Variants in TACR3 observed in about 807,000 individuals in gnomAD.
TACR3 encodes the protein tachykinin receptor 3.
A neutral mutation model predicts 35.0 loss-of-function variants in TACR3; 34 were observed. The observed-to-expected ratio is 0.97, with a 90% CI of 0.74 to 1.30. The LOEUF (loss-of-function observed/expected upper bound fraction) is 1.30. Ranked by LOEUF, TACR3 falls within the 50% of genes most tolerant of loss-of-function variation. The pLI is 0.00. For synonymous variants in TACR3, 233 were observed against 221.1 expected, an observed-to-expected ratio of 1.05 and a Z score of -0.48; for missense variants, 558 against 591.7, an observed-to-expected ratio of 0.94 and a Z score of 0.59.
intron 1 of TACR3, among the ~76,000 whole-genome samples, chr4:103,662,440 G>A (rs573499388): frequency 6.9e-4 from 105 of 152,124 alleles, no homozygotes; most frequent in African/African-American, 2.5e-3. Flanking sequence ...GGCTGGTCTC[G>A]AATTCCTGAC....
Position 103,689,324 on chromosome 4 carries a change from G to A in TACR3, c.548+29804C>T, listed in dbSNP as rs144700552. Among the ~76,000 whole-genome samples, 652 of 151,324 alleles carry A rather than the reference G, an allele frequency of 4.3e-3. 4 individuals carry two copies. The highest frequency in any genetic ancestry group is 0.024 in the South Asian group (116 of 4,784). The stretch of plus-strand genomic sequence containing the variant: ...TAGATGACGAGTTAGTGGGTGCAGC[G>A]CACCAGCATGTCACATGTATACATA... On this transcript the variant is annotated intron_variant, in intron 1 of 4. Coordinates refer to ENST00000304883, the MANE Select transcript of TACR3 (RefSeq NM_001059.3).
intron 3 of TACR3, among the ~76,000 whole-genome samples, chr4:103,632,397 A>AGCCATCAT (rs1725087557): frequency 6.6e-6 from 1 of 152,162 alleles, no homozygotes; most frequent in African/African-American, 2.4e-5. Context: ...ACATGGTTGA[A>AGCCATCAT]GCTGGAAGCC....
intron 3 of TACR3, among the ~76,000 whole-genome samples, chr4:103,594,181 CTTT>C (rs35016258): frequency 6.8e-6 from 1 of 147,286 alleles, no homozygotes; most frequent in African/African-American, 2.5e-5. Context: ...CAAAAATAAC[CTTT>C]TTTTTTTTTT....
intron 1 of TACR3, among the ~76,000 whole-genome samples, chr4:103,718,258 T>G (rs890750402): frequency 6.6e-6 from 1 of 152,202 alleles, no homozygotes; most frequent in African/African-American, 2.4e-5. Flanking sequence ...ATCACCCTCA[T>G]GTATCCCCCA....
intron 3 of TACR3, among the ~76,000 whole-genome samples, chr4:103,602,255 C>T (rs1248772809): frequency 6.6e-6 from 1 of 152,160 alleles, no homozygotes; most frequent in Non-Finnish European, 1.5e-5. Flanking sequence ...TTAAGGACTT[C>T]TCTGCATTGG....
In TACR3 at chr4:103,719,285, C is replaced by T. The variant is rs775234670; in HGVS notation, c.391G>A (p.Asp131Asn). The change falls in exon 1 of 5, where the codon GAC becomes AAC. Residue 131 changes from aspartate to asparagine, a missense_variant. Physicochemically the swap from Asp to Asn is conservative, Grantham distance 23 (BLOSUM62 1). Coordinates refer to ENST00000304883, the MANE Select transcript of TACR3 (RefSeq NM_001059.3). The stretch of plus-strand genomic sequence containing the variant: ...GTGTTGAAGGCGGCCATGGAGGCGT[C>T]GGAGAAAGCCAGGTTCACAAGGAAG... ...NYFLVNLAFS[D>N]ASMAAFNTLV... The T allele has an allele frequency of 7.4e-6, 12 of 1,614,110 alleles. No individual in the cohort carries two copies. The highest frequency in any genetic ancestry group is 9.3e-6 in the Non-Finnish European group (11 of 1,180,056).
intron 3 of TACR3, among the ~76,000 whole-genome samples, chr4:103,652,481 G>GTCTT (rs1267935652): frequency 1.3e-5 from 2 of 152,126 alleles, no homozygotes; most frequent in Non-Finnish European, 2.9e-5. Context: ...ATTCAAGACT[G>GTCTT]TCTTTACTAC....
At chr4:103,616,529 T>C (rs1182715606) in intron 3 of TACR3, among the ~76,000 whole-genome samples, 2 of 152,198 alleles carry the variant, frequency 1.3e-5, no homozygotes, top group African/African-American at 4.8e-5. Context: ...CAGTAAAAAC[T>C]GTTTTCAGTA....
intron 3 of TACR3, among the ~76,000 whole-genome samples, chr4:103,616,854 G>A (rs1724671578): frequency 6.6e-6 from 1 of 152,090 alleles, no homozygotes; most frequent in Non-Finnish European, 1.5e-5. Context: ...AGGCTGAGGT[G>A]GGCATGTCGA....
chr4:103,688,636 A>G (rs1179728439), intron 1 of TACR3, among the ~76,000 whole-genome samples: 1 of 150,906 alleles, frequency 6.6e-6, no homozygotes, highest in African/African-American at 2.4e-5. Flanking sequence ...CAGCCAAAAA[A>G]CACATGAAAA....
chr4:103,629,347 A>T (rs1478590831), intron 3 of TACR3, among the ~76,000 whole-genome samples: 1 of 152,094 alleles, frequency 6.6e-6, no homozygotes, highest in Non-Finnish European at 1.5e-5. Context: ...AGGAAGCCAA[A>T]TTGTCCCTGT....
rs1723804311 is a variant in TACR3 at position 103,587,822 on chromosome 4, A to G, written c.*1860T>C. 1 of 152,118 alleles carries G rather than the reference A, an allele frequency of 6.6e-6. No individual in the cohort carries two copies. The highest frequency in any genetic ancestry group is 1.5e-5 in the Non-Finnish European group (1 of 67,982). The allele number at this position is 152,118 out of a possible 1,614,324, so 9.4% of individuals were successfully genotyped here. Reference sequence around the variant, plus strand: ...TTATATTCAAACAATTAGATACTATATATTAAATTTGCTTATTTAAAACAT... The same window carrying G: ...TTATATTCAAACAATTAGATACTATGTATTAAATTTGCTTATTTAAAACAT... On this transcript the variant is annotated 3_prime_UTR_variant, in exon 5 of 5. Transcript: ENST00000304883.
At chr4:103,697,672 C>G (rs1006893764) in intron 1 of TACR3, among the ~76,000 whole-genome samples, 77 of 152,128 alleles carry the variant, frequency 5.1e-4, no homozygotes, top group African/African-American at 1.9e-3. Flanking sequence ...GATCCGCCCA[C>G]CTCGGCCTCC....
intron 3 of TACR3, among the ~76,000 whole-genome samples, chr4:103,599,610 T>C (rs969209537): frequency 1.3e-5 from 2 of 152,218 alleles, no homozygotes; most frequent in Non-Finnish European, 2.9e-5. Flanking sequence ...ATAGCTCTTA[T>C]TATTTTGAGA....
Position 103,588,422 on chromosome 4 carries a change from TTGTTA to T in TACR3, c.*1255_*1259del, listed in dbSNP as rs902210088. Reference sequence around the variant, plus strand: ...TACTTTTTACACTTAAAAGTATTTCTTGTTATGTTATGAGTCTCAGAAATGTGCTA... The same window carrying T: ...TACTTTTTACACTTAAAAGTATTTCTTGTTATGAGTCTCAGAAATGTGCTA... On this transcript the variant is annotated 3_prime_UTR_variant, in exon 5 of 5. Coordinates refer to ENST00000304883, the MANE Select transcript of TACR3 (RefSeq NM_001059.3). 1 of 152,158 alleles carries T rather than the reference TTGTTA, an allele frequency of 6.6e-6. No individual in the cohort carries two copies. Among genetic ancestry groups the T allele is most frequent in the African/African-American group, 2.4e-5 (1 of 41,456 alleles). 9.4% of individuals were successfully genotyped at this position (152,158 alleles called of 1,614,324 possible).
At chr4:103,651,153 C>T (rs1478453337) in intron 3 of TACR3, among the ~76,000 whole-genome samples, 1 of 150,004 alleles carries the variant, frequency 6.7e-6, no homozygotes, top group Non-Finnish European at 1.5e-5. Flanking sequence ...GGTAAGTTCT[C>T]CCAGGTAGAT....
At chr4:103,612,836 C>CTG (rs2110298215) in intron 3 of TACR3, among the ~76,000 whole-genome samples, 1 of 151,714 alleles carries the variant, frequency 6.6e-6, no homozygotes, top group South Asian at 2.1e-4. Flanking sequence ...GCATTTCTCT[C>CTG]TCTCTCCAGT....
chr4:103,621,963 AAAG>A (rs1330503457), intron 3 of TACR3, among the ~76,000 whole-genome samples: 2 of 152,234 alleles, frequency 1.3e-5, no homozygotes, highest in Non-Finnish European at 2.9e-5. Flanking sequence ...ATAAAAATAT[AAAG>A]AATGGGACTT....
chr4:103,644,636 T>C (rs951864895), intron 3 of TACR3, among the ~76,000 whole-genome samples: 3 of 151,706 alleles, frequency 2.0e-5, no homozygotes, highest in Non-Finnish European at 4.4e-5. Context: ...TCATAATACA[T>C]AACAGAAATT....
Sources: gnomAD v4.1 joint callset for allele counts (sites outside exome capture counted in the v4.1 genomes callset) on GRCh38, gnomAD v4.1.1 for gene constraint, MANE v1.5 for transcripts, NCBI Gene and HGNC (gene_info 2026-07-23, HGNC 2026-07-21) for gene names.